Variants in SORCS2 observed in about 807,000 individuals in gnomAD.
SORCS2 encodes sortilin related VPS10 domain containing receptor 2, also known as VPS10 domain-containing receptor SorCS2.
A neutral mutation model predicts 141.6 loss-of-function variants in SORCS2; 100 were observed. The ratio of observed to expected loss-of-function variants is 0.71; its 90% confidence interval spans 0.60 to 0.83. SORCS2 has a LOEUF of 0.83. Among genes scored for constraint, SORCS2 ranks in the 40% least tolerant of loss-of-function variants. The probability of loss-of-function intolerance (pLI) is 0.00; values close to 1 mark genes in which losing one functional copy is unlikely to be tolerated. For missense variants in SORCS2, 1,646 were observed against 1,560.2 expected, an observed-to-expected ratio of 1.05 and a Z score of -0.93; for synonymous variants, 789 against 676.9, an observed-to-expected ratio of 1.17 and a Z score of -2.57.
chr4:7,682,216 C>T (rs76836894), intron 9 of SORCS2, among the ~76,000 whole-genome samples: 1,693 of 152,196 alleles, frequency 0.011, 31 homozygotes, highest in African/African-American at 0.038. Context: ...AGCCCTGTCC[C>T]GGGTGTTCTA....
chr4:7,406,366 G>C (rs897176770), intron 2 of SORCS2, among the ~76,000 whole-genome samples: 1 of 46,410 alleles, frequency 2.2e-5, no homozygotes, highest in African/African-American at 5.6e-5. Context: ...TTGGATCCTA[G>C]GCTTTTTTTT....
intron 11 of SORCS2, among the ~76,000 whole-genome samples, chr4:7,693,716 G>T (rs147192793): frequency 5.3e-5 from 8 of 152,376 alleles, no homozygotes; most frequent in South Asian, 2.1e-4. Context: ...ACCACAGCCT[G>T]CCCTGTGCTG....
rs1374636442 is a variant in SORCS2 at position 7,531,610 on chromosome 4, G to A, written c.629G>A (p.Cys210Tyr). The A allele has an allele frequency of 1.2e-6, 2 of 1,613,656 alleles. No individual in the cohort carries two copies. Among genetic ancestry groups the A allele is most frequent in the African/African-American group, 1.3e-5 (1 of 74,950 alleles). The change falls in exon 3 of 27, where the codon TGC (cysteine) becomes TAC (tyrosine). Residue 210 changes from cysteine to tyrosine, a missense_variant. Coordinates refer to ENST00000507866, the MANE Select transcript of SORCS2 (RefSeq NM_020777.3). ...ACCGTCATCGACAATTTCTACATCT[G>A]CCCGACCAACAAGAGGAAGGTAGGT... ...VTTVIDNFYI[C>Y]PTNKRKVILV...
chr4:7,411,538 C>T (rs1725310031), intron 2 of SORCS2, among the ~76,000 whole-genome samples: 1 of 152,040 alleles, frequency 6.6e-6, no homozygotes, highest in African/African-American at 2.4e-5. Context: ...TCTCATTCTT[C>T]CTTCCATTTG....
chr4:7,256,478 G>T (rs976794184), intron 1 of SORCS2, among the ~76,000 whole-genome samples: 7 of 152,152 alleles, frequency 4.6e-5, no homozygotes, highest in African/African-American at 1.7e-4. Flanking sequence ...CCTCTGGGCA[G>T]GAACTCTAAA....
Position 7,704,231 on chromosome 4 carries a change from G to T in SORCS2, c.1815G>T (p.Ser605=). ...GCACGCACAACTTCACCAGCACCTC[G>T]GTGTTTGTGGACGGGCTGCTGAGTG... ...TWSTHNFTST[S]VFVDGLLSEP... Residue 605 remains serine, a synonymous_variant, in exon 14 of 27, where the codon TCG becomes TCT. Transcript: ENST00000507866. 2 of 1,613,102 alleles carry T rather than the reference G, an allele frequency of 1.2e-6. No individual in the cohort carries two copies. The highest frequency in any genetic ancestry group is 3.3e-4 in the Middle Eastern group (2 of 6,060).
intron 2 of SORCS2, among the ~76,000 whole-genome samples, chr4:7,396,900 A>G (rs1393031838): frequency 6.6e-6 from 1 of 152,158 alleles, no homozygotes; most frequent in Non-Finnish European, 1.5e-5. Context: ...ATGAGATGAG[A>G]AAGAAGGAGG....
At chr4:7,407,892 A>G (rs936919784) in intron 2 of SORCS2, among the ~76,000 whole-genome samples, 1 of 152,092 alleles carries the variant, frequency 6.6e-6, no homozygotes, top group Non-Finnish European at 1.5e-5. Context: ...ATCATATAGC[A>G]TGTTATTTTA....
intron 2 of SORCS2, among the ~76,000 whole-genome samples, chr4:7,398,205 G>A (rs752455152): frequency 2.0e-5 from 3 of 152,214 alleles, no homozygotes; most frequent in African/African-American, 7.2e-5. Context: ...CTGGCATGGG[G>A]CCCAAAACCA....
chr4:7,664,317 A>G lies in SORCS2; in HGVS notation c.953-36A>G, dbSNP rs773485897. On this transcript the variant is annotated intron_variant, in intron 6 of 26. Coordinates refer to ENST00000507866, the MANE Select transcript of SORCS2 (RefSeq NM_020777.3). This position sits in a 1 kb window ranked among gnomAD's most constrained non-coding sequence, Gnocchi z 4.7. ...TCGGGCCGTCTCTGGCTCCGGCTGG[A>G]GTCTGACCGCCTGGGTCGGCGCCTC... The G allele has an allele frequency of 2.5e-6, 4 of 1,573,784 alleles. No homozygotes were observed. Among genetic ancestry groups the G allele is most frequent in the Non-Finnish European group, 3.5e-6 (4 of 1,148,418 alleles).
chr4:7,453,532 C>G (rs971354736), intron 2 of SORCS2, among the ~76,000 whole-genome samples: 91 of 126,912 alleles, frequency 7.2e-4, no homozygotes, highest in African/African-American at 2.4e-3. Context: ...GGGTCAGGCA[C>G]TGTGTTGGGG....
chr4:7,524,441 T>C (rs1369636012), intron 2 of SORCS2, among the ~76,000 whole-genome samples: 2 of 152,116 alleles, frequency 1.3e-5, no homozygotes, highest in Non-Finnish European at 2.9e-5. Context: ...CACAGCAGCC[T>C]GGGACCCTAA....
intron 1 of SORCS2, among the ~76,000 whole-genome samples, chr4:7,239,429 A>G (rs1172573921): frequency 6.6e-6 from 1 of 152,234 alleles, no homozygotes; most frequent in Non-Finnish European, 1.5e-5. Flanking sequence ...AACCACGCTC[A>G]GCGGCCCTCC....
chr4:7,661,663 G>GTGTAGGGCCAGCCATT, intron 6 of SORCS2, 99 bp downstream of exon 6: 1 of 1,111,802 alleles, frequency 9.0e-7, no homozygotes, highest in Non-Finnish European at 1.3e-6. Flanking sequence ...CGCAATGGCT[G>GTGTAGGGCCAGCCATT]GCCCTACACA....
At chr4:7,689,876 A>G (rs1161180869) in intron 11 of SORCS2, among the ~76,000 whole-genome samples, 7 of 142,906 alleles carry the variant, frequency 4.9e-5, no homozygotes, top group Non-Finnish European at 9.4e-5. Flanking sequence ...TGAATGATGG[A>G]TAGGTGGATG....
At chr4:7,737,604 A>G (rs1712295912) in intron 26 of SORCS2, among the ~76,000 whole-genome samples, 1 of 152,056 alleles carries the variant, frequency 6.6e-6, no homozygotes, top group Admixed American at 6.5e-5. Flanking sequence ...CACGCCACAC[A>G]TGGACCTGCG....
intron 1 of SORCS2, among the ~76,000 whole-genome samples, chr4:7,345,280 T>C (rs1720593826): frequency 6.6e-6 from 1 of 152,214 alleles, no homozygotes; most frequent in Admixed American, 6.5e-5. Context: ...AGCAGTGCTG[T>C]ACTCCTAAGA....
intron 1 of SORCS2, among the ~76,000 whole-genome samples, chr4:7,301,956 C>A (rs1016874261): frequency 4.6e-5 from 7 of 152,216 alleles, no homozygotes; most frequent in Admixed American, 1.3e-4. Context: ...ACTCCTACAT[C>A]CTCTATAAAA....
Position 7,302,525 on chromosome 4 carries a change from G to C in SORCS2, c.481-93763G>C, listed in dbSNP as rs56865986. ...GGAGCTGCACGGTCCCCACTTTCCA[G>C]TGAGGTCTCCCTGACCACCTTATTT... On this transcript the variant is annotated intron_variant, in intron 1 of 26. Coordinates refer to ENST00000507866, the MANE Select transcript of SORCS2 (RefSeq NM_020777.3). Among the ~76,000 whole-genome samples, 993 of 152,286 alleles carry C rather than the reference G, an allele frequency of 6.5e-3. 48 individuals carry two copies. The highest frequency in any genetic ancestry group is 0.058 in the Admixed American group (883 of 15,308).
Sources: gnomAD v4.1 joint callset for allele counts (sites outside exome capture counted in the v4.1 genomes callset) on GRCh38, gnomAD v4.1.1 for gene constraint, Gnocchi (gnomAD v3.1) non-coding constraint, MANE v1.5 for transcripts, NCBI Gene and HGNC (gene_info 2026-07-23, HGNC 2026-07-21) for gene names.